Variants in CRYBG3 observed in about 807,000 individuals in gnomAD.
CRYBG3 encodes very large A-kinase anchor protein.
In CRYBG3, 127 loss-of-function variants were observed where a neutral mutation model predicts 244.2. The observed-to-expected ratio is 0.52, with a 90% CI of 0.45 to 0.60. CRYBG3 has a LOEUF of 0.60. Among genes scored for constraint, CRYBG3 ranks in the 20% least tolerant of loss-of-function variants. CRYBG3 has a pLI of 0.00. For synonymous variants in CRYBG3, 1,132 were observed against 1,195.8 expected, an observed-to-expected ratio of 0.95 and a Z score of 1.10; for missense variants, 3,325 against 3,442.5, an observed-to-expected ratio of 0.97 and a Z score of 0.85.
intron 17 of CRYBG3, chr3:97,924,158 A>G (rs527645452): frequency 6.4e-6 from 2 of 313,854 alleles, no homozygotes; most frequent in African/African-American, 4.5e-5. Flanking sequence ...AATTTGGAAG[A>G]TAACAGCATT....
chr3:97,881,586 C>T (rs1441412694), intron 7 of CRYBG3, among the ~76,000 whole-genome samples: 2 of 151,440 alleles, frequency 1.3e-5, no homozygotes, highest in East Asian at 2.0e-4. Context: ...CGTGGTGGTG[C>T]AAGTCTGTAA....
intron 1 of CRYBG3, among the ~76,000 whole-genome samples, chr3:97,834,704 G>A (rs752151616): frequency 8.5e-5 from 13 of 152,058 alleles, no homozygotes; most frequent in Non-Finnish European, 1.5e-4. Flanking sequence ...ATTGTTCTAA[G>A]TAGGCAAATA....
intron 1 of CRYBG3, among the ~76,000 whole-genome samples, chr3:97,830,257 A>G (rs980438102): frequency 1.3e-5 from 2 of 152,190 alleles, no homozygotes; most frequent in Non-Finnish European, 2.9e-5. Flanking sequence ...TCTAGGATGC[A>G]CAAATACATT....
chr3:97,929,400 T>C (rs1462406228), intron 17 of CRYBG3, among the ~76,000 whole-genome samples: 1 of 151,988 alleles, frequency 6.6e-6, no homozygotes, highest in Non-Finnish European at 1.5e-5. Flanking sequence ...GATTTTAAAA[T>C]ATTAATAGTT....
At chr3:97,871,126 G>A (rs1215801511) in intron 3 of CRYBG3, among the ~76,000 whole-genome samples, 1 of 152,154 alleles carries the variant, frequency 6.6e-6, no homozygotes, top group Non-Finnish European at 1.5e-5. Flanking sequence ...AAAGGAAATT[G>A]GGTGCTGAGA....
rs1234298203 is a variant in CRYBG3, at chr3:97,942,372, A to C, written c.8753A>C (p.Gln2918Pro). The change falls in exon 21 of 22, where the codon CAG (glutamine) becomes CCG (proline). Residue 2918 changes from glutamine to proline, a missense_variant. Gln to Pro is a moderately conservative substitution (Grantham distance 76). Coordinates refer to ENST00000389622, the MANE Select transcript of CRYBG3 (RefSeq NM_153605.4). ...TGGACTGAACATGGGCAATTCAGGC[A>C]GAAGTGGAGACTGAATAAAAATGGA... ...ALWTEHGQFR[Q>P]KWRLNKNGTI... 2 of 1,611,876 alleles carry C rather than the reference A, an allele frequency of 1.2e-6. No individual in the cohort carries two copies. Among genetic ancestry groups the C allele is most frequent in the Non-Finnish European group, 1.7e-6 (2 of 1,178,582 alleles).
chr3:97,932,726 A>G (rs1036068283), intron 17 of CRYBG3, among the ~76,000 whole-genome samples: 2 of 152,048 alleles, frequency 1.3e-5, no homozygotes, highest in Non-Finnish European at 2.9e-5. Flanking sequence ...GCACCATAAC[A>G]AACTGTGGGA....
Position 97,876,445 on chromosome 3 carries a change from G to A in CRYBG3, c.5251G>A (p.Gly1751Ser). Reference sequence around the variant, plus strand: ...CCCAAAGGATACTGAAAGAGACGGTGGCAAAACTGAGGTGATGCCCCTTGC... The same window carrying A: ...CCCAAAGGATACTGAAAGAGACGGTAGCAAAACTGAGGTGATGCCCCTTGC... ...TYPKDTERDG[G>S]KTEVMPLALE... is the part of the protein sequence containing the mutation. The change falls in exon 4 of 22, where the codon GGC becomes AGC. Residue 1751 changes from glycine (G) to serine (S), a missense_variant. Physicochemically the swap from Gly to Ser is moderately conservative, Grantham distance 56. Around this residue, in one of 4 missense-constraint regions of CRYBG3, gnomAD observed 635 missense variants for 771.7 expected, o/e 0.82. Transcript: ENST00000389622. 1.6e-6 allele frequency: 2 copies of A among 1,232,056 alleles called. No homozygotes were observed. Among genetic ancestry groups the A allele is most frequent in the Non-Finnish European group, 2.0e-6 (2 of 987,950 alleles). The allele number at this position is 1,232,056 out of a possible 1,614,324, so 76.3% of individuals were successfully genotyped here. A position where few individuals can be genotyped will look rare whatever the true frequency, so the allele number is the denominator to read the frequency against.
At chr3:97,922,123 A>G (rs1425349383) in intron 17 of CRYBG3, among the ~76,000 whole-genome samples, 1 of 152,228 alleles carries the variant, frequency 6.6e-6, no homozygotes, top group Non-Finnish European at 1.5e-5. Flanking sequence ...GAGGGAGACT[A>G]TAAATCCAGC....
chr3:97,839,586 G>C (rs1297247486), intron 1 of CRYBG3, among the ~76,000 whole-genome samples: 1 of 151,948 alleles, frequency 6.6e-6, no homozygotes, highest in East Asian at 1.9e-4. Flanking sequence ...TAATTATATT[G>C]TTCCCAATGT....
At position 97,865,434 on chromosome 3, in the gene CRYBG3, T is replaced by A. The variant is rs140504385; in HGVS notation, c.647+787T>A. Among the ~76,000 whole-genome samples, 732 of 152,304 alleles carry A rather than the reference T, an allele frequency of 4.8e-3. 9 individuals are homozygous for A. Among genetic ancestry groups the A allele is most frequent in the African/African-American group, 0.016 (666 of 41,570 alleles). On this transcript the variant is annotated intron_variant, in intron 3 of 21. Coordinates refer to ENST00000389622, the MANE Select transcript of CRYBG3 (RefSeq NM_153605.4). ...TCTTTATAGTTTCCAGGAAGTTCTT[T>A]ATAGTTTCCAGGTGTCTTCATGTAG...
chr3:97,866,749 ATACTTTTCCTCTTATTTAT>A (rs2039237216), intron 3 of CRYBG3, among the ~76,000 whole-genome samples: 1 of 152,134 alleles, frequency 6.6e-6, no homozygotes, highest in Admixed American at 6.5e-5. Context: ...AAGAGAGAGG[ATACTTTTCCTCTTATTTAT>A]TGTTACTAAA....
intron 15 of CRYBG3, among the ~76,000 whole-genome samples, chr3:97,907,117 T>A (rs1386044386): frequency 5.9e-5 from 9 of 152,076 alleles, no homozygotes; most frequent in African/African-American, 2.2e-4. Context: ...TGGTGGATAA[T>A]CTTTTTGATG....
chr3:97,920,057 A>T (rs1575966215), intron 17 of CRYBG3, among the ~76,000 whole-genome samples: 1 of 152,098 alleles, frequency 6.6e-6, no homozygotes, highest in African/African-American at 2.4e-5. Context: ...GGTACAAACC[A>T]CTGCACCGTC....
At position 97,873,735 on chromosome 3, in the gene CRYBG3, G is replaced by A; in HGVS notation, c.2541G>A (p.Glu847=). Residue 847 remains glutamate (E), a synonymous_variant, in exon 4 of 22, where the codon GAG becomes GAA. Transcript: ENST00000389622. ...CCAAGGTATCTCTTTCAAAAGTGGA[G>A]CCCAGAAACATTTCTCAGGATAAAA... ...SLSKVSLSKV[E]PRNISQDKMS... The A allele has an allele frequency of 6.5e-7, 1 of 1,535,744 alleles. No homozygotes were observed. The highest frequency in any genetic ancestry group is 8.7e-7 in the Non-Finnish European group (1 of 1,146,738).
At position 97,845,951 on chromosome 3, in the gene CRYBG3, T is replaced by G. The variant is rs150668674; in HGVS notation, c.216+2690T>G. 3.3e-5 allele frequency among the ~76,000 whole-genome samples: 5 copies of G among 152,370 alleles called. 1 individual carries two copies. The highest frequency in any genetic ancestry group is 7.3e-5 in the Non-Finnish European group (5 of 68,030). On this transcript the variant is annotated intron_variant, in intron 2 of 21. Coordinates refer to ENST00000389622, the MANE Select transcript of CRYBG3 (RefSeq NM_153605.4). ...TCTGTCTTAAGCATTGTTCAGTTCT[T>G]AATGCTTTCTGCTCGGACTCCTGTT...
intron 2 of CRYBG3, among the ~76,000 whole-genome samples, chr3:97,850,916 G>T (rs1185669762): frequency 1.3e-5 from 2 of 152,094 alleles, no homozygotes; most frequent in African/African-American, 4.8e-5. Flanking sequence ...TCAATCACTT[G>T]AGATCAGGAA....
chr3:97,894,378 A>T (rs983945077), intron 11 of CRYBG3, among the ~76,000 whole-genome samples: 8 of 152,154 alleles, frequency 5.3e-5, no homozygotes, highest in Non-Finnish European at 1.2e-4. Context: ...CAAGAGAAAG[A>T]TGTGATGTCC....
chr3:97,870,358 A>G (rs964476756), intron 3 of CRYBG3, among the ~76,000 whole-genome samples: 4 of 152,084 alleles, frequency 2.6e-5, no homozygotes, highest in African/African-American at 9.7e-5. Flanking sequence ...TGTGTACTCA[A>G]CGTTTACCTT....
Sources: allele counts gnomAD v4.1 joint callset (sites outside exome capture counted in the v4.1 genomes callset), GRCh38; gene constraint gnomAD v4.1.1; regional missense constraint gnomAD v4.1.1; transcripts MANE v1.5; gene names NCBI Gene and HGNC (gene_info 2026-07-23, HGNC 2026-07-21).